NBEA: variants seen among roughly 807,000 people sequenced by gnomAD.
NBEA encodes lysosomal-trafficking regulator 2.
NBEA carries 44 observed loss-of-function variants against 343.4 expected under a neutral mutation model. That is an observed-to-expected ratio of 0.13 (90% CI 0.10 to 0.16). The LOEUF is 0.16. Ranked by LOEUF, NBEA falls within the 10% of genes least tolerant of loss-of-function variation. The pLI, the probability that NBEA is intolerant of heterozygous loss-of-function variation, is 1.00. For synonymous variants in NBEA, 1,175 were observed against 1,238.7 expected, an observed-to-expected ratio of 0.95 and a Z score of 1.08; for missense variants, 2,555 against 3,631.3, an observed-to-expected ratio of 0.70 and a Z score of 7.62.
intron 38 of NBEA, among the ~76,000 whole-genome samples, chr13:35,371,889 A>G (rs1200237338): frequency 1.3e-5 from 2 of 152,156 alleles, no homozygotes; most frequent in African/African-American, 4.8e-5. Flanking sequence ...CATCAGTTGT[A>G]TCCATGATTT....
chr13:35,455,501 A>G (rs927838834), intron 40 of NBEA, among the ~76,000 whole-genome samples: 1 of 152,106 alleles, frequency 6.6e-6, no homozygotes, highest in East Asian at 1.9e-4. Flanking sequence ...TGCTGCTATT[A>G]TAGATTTAAC....
chr13:35,576,734 G>GATCAAAAC (rs1566350292), intron 45 of NBEA, among the ~76,000 whole-genome samples: 7 of 151,998 alleles, frequency 4.6e-5, no homozygotes, highest in Admixed American at 6.6e-5. Context: ...AAAACTATAT[G>GATCAAAAC]ATTTTTTAAA....
At chr13:35,638,194 G>C (rs941736909) in intron 49 of NBEA, among the ~76,000 whole-genome samples, 1 of 152,186 alleles carries the variant, frequency 6.6e-6, no homozygotes, top group Admixed American at 6.5e-5. Context: ...TTACACAATA[G>C]TGTGAATGTA....
At chr13:35,556,891 T>A (rs2079595656) in intron 44 of NBEA, among the ~76,000 whole-genome samples, 1 of 152,182 alleles carries the variant, frequency 6.6e-6, no homozygotes, top group South Asian at 2.1e-4. Context: ...TTCAGCTATA[T>A]GGATCTTTAC....
chr13:34,979,188 G>A (rs779339154), intron 1 of NBEA, among the ~76,000 whole-genome samples: 1 of 152,062 alleles, frequency 6.6e-6, no homozygotes, highest in African/African-American at 2.4e-5. Flanking sequence ...TTCTGGGATG[G>A]CCAGTGATGT....
At chr13:35,149,579 T>C (rs1376342771) in intron 18 of NBEA, among the ~76,000 whole-genome samples, 1 of 152,164 alleles carries the variant, frequency 6.6e-6, no homozygotes, top group East Asian at 1.9e-4. Flanking sequence ...TGCTACAATA[T>C]CAGATTAGGC....
intron 41 of NBEA, chr13:35,476,184 T>C (rs2075855784): frequency 1.2e-6 from 2 of 1,611,698 alleles, no homozygotes; most frequent in Non-Finnish European, 8.5e-7. Flanking sequence ...CGCAGTAAGC[T>C]GTGGGATCCA....
At chr13:35,091,139 G>T (rs1335655076) in intron 10 of NBEA, among the ~76,000 whole-genome samples, 1 of 151,916 alleles carries the variant, frequency 6.6e-6, no homozygotes, top group Admixed American at 6.6e-5. Context: ...TCTGAGGGAG[G>T]CTTTTCTTTG....
intron 1 of NBEA, among the ~76,000 whole-genome samples, chr13:34,962,417 A>G (rs2059690226): frequency 6.6e-6 from 1 of 152,220 alleles, no homozygotes; most frequent in Admixed American, 6.6e-5. Flanking sequence ...TAAAAACCAC[A>G]GACCACTGGG....
chr13:35,622,664 A>T (rs2083046291), intron 48 of NBEA, among the ~76,000 whole-genome samples: 1 of 152,340 alleles, frequency 6.6e-6, no homozygotes, highest in Non-Finnish European at 1.5e-5. Flanking sequence ...AGAAGTGACA[A>T]TATGGCTTTC....
At chr13:35,072,571 T>C (rs1449020442) in intron 10 of NBEA, among the ~76,000 whole-genome samples, 1 of 152,068 alleles carries the variant, frequency 6.6e-6, no homozygotes, top group Admixed American at 6.6e-5. Context: ...TGTTTATTTA[T>C]TTATTTGAGA....
At chr13:35,646,492 C>A in intron 51 of NBEA, 144 bp downstream of exon 51, 1 of 643,210 alleles carries the variant, frequency 1.6e-6, no homozygotes, top group Non-Finnish European at 2.7e-6. Context: ...AAACTAATAC[C>A]CCAGGGAGAG....
At chr13:35,456,235 G>A (rs1247665187) in intron 40 of NBEA, among the ~76,000 whole-genome samples, 1 of 151,866 alleles carries the variant, frequency 6.6e-6, no homozygotes, top group African/African-American at 2.4e-5. Context: ...AGCTTTAAAT[G>A]TCATACAATT....
intron 34 of NBEA, among the ~76,000 whole-genome samples, chr13:35,268,548 A>G (rs2033872502): frequency 6.6e-6 from 1 of 152,088 alleles, no homozygotes. Flanking sequence ...GAAAAAATAT[A>G]CAAACTTAGA....
At chr13:35,647,195 A>G (rs2084277176) in intron 51 of NBEA, among the ~76,000 whole-genome samples, 1 of 152,236 alleles carries the variant, frequency 6.6e-6, no homozygotes, top group Admixed American at 6.5e-5. Flanking sequence ...AATTTGAAGA[A>G]GGTAAAATTT....
intron 36 of NBEA, among the ~76,000 whole-genome samples, chr13:35,331,031 A>AAGAATTGATATGAATTCCCACC (rs1222427916): frequency 1.3e-5 from 2 of 152,082 alleles, no homozygotes; most frequent in Non-Finnish European, 2.9e-5. Flanking sequence ...TATGAACATG[A>AAGAATTGATATGAATTCCCACC]AGAATTGATA....
intron 36 of NBEA, among the ~76,000 whole-genome samples, chr13:35,310,741 A>G (rs1566600909): frequency 1.3e-5 from 2 of 152,160 alleles, no homozygotes; most frequent in East Asian, 3.8e-4. Context: ...TATGATGATT[A>G]TTTGGCATGA....
chr13:35,427,293 A>G (rs1412826949), intron 38 of NBEA, among the ~76,000 whole-genome samples: 1 of 151,908 alleles, frequency 6.6e-6, no homozygotes, highest in Non-Finnish European at 1.5e-5. Context: ...GATGATGGTG[A>G]CGTACAGATG....
chr13:34,965,029 A>G (rs745799002), intron 1 of NBEA, among the ~76,000 whole-genome samples: 12 of 152,066 alleles, frequency 7.9e-5, no homozygotes, highest in Non-Finnish European at 1.5e-4. Context: ...GGTGATACAT[A>G]TTATGGTCTT....
Sources: gnomAD v4.1 joint callset for allele counts (sites outside exome capture counted in the v4.1 genomes callset) on GRCh38, gnomAD v4.1.1 for gene constraint, MANE v1.5 for transcripts, NCBI Gene and HGNC (gene_info 2026-07-23, HGNC 2026-07-21) for gene names.